Variants in CNTN3 observed in about 807,000 individuals in gnomAD.
The protein encoded by CNTN3 is contactin 3, also known as contactin-3.
CNTN3 carries 60 observed loss-of-function variants against 119.1 expected under a neutral mutation model. The ratio of observed to expected loss-of-function variants is 0.50; its 90% CI spans 0.41 to 0.62. The LOEUF (loss-of-function observed/expected upper bound fraction) is 0.62. Among genes scored for constraint, CNTN3 ranks in the 20% least tolerant of loss-of-function variants. CNTN3 has a pLI of 0.00. For missense variants in CNTN3, 1,101 were observed against 1,242.4 expected, an observed-to-expected ratio of 0.89 and a Z score of 1.71; for synonymous variants, 450 against 438.7, an observed-to-expected ratio of 1.03 and a Z score of -0.32.
chr3:74,491,219 G>T (rs4677401), intron 3 of CNTN3, among the ~76,000 whole-genome samples: 33,616 of 152,002 alleles, frequency 0.22, 3,873 homozygotes, highest in East Asian at 0.37. Flanking sequence ...GAATAATAAG[G>T]GCCAGGCACA....
chr3:74,266,429 C>T (rs615824), intron 22 of CNTN3, 52 bp downstream of exon 22: 10 of 1,516,080 alleles, frequency 6.6e-6, no homozygotes, highest in South Asian at 1.1e-5. Context: ...CTCACTATGG[C>T]GGATAGTAAC....
At chr3:74,475,346 T>C (rs760315863) in intron 4 of CNTN3, among the ~76,000 whole-genome samples, 1 of 152,218 alleles carries the variant, frequency 6.6e-6, no homozygotes, top group Non-Finnish European at 1.5e-5. Flanking sequence ...AGCAGACTTA[T>C]AAATTCTACA....
intron 4 of CNTN3, among the ~76,000 whole-genome samples, chr3:74,441,211 A>C (rs1701960550): frequency 6.6e-6 from 1 of 152,148 alleles, no homozygotes; most frequent in Non-Finnish European, 1.5e-5. Context: ...AACCTAATAT[A>C]CAGTTTTTTG....
intron 1 of CNTN3, among the ~76,000 whole-genome samples, chr3:74,603,127 G>A (rs1704938364): frequency 6.6e-6 from 1 of 152,098 alleles, no homozygotes; most frequent in African/African-American, 2.4e-5. Flanking sequence ...CTTAGTCACA[G>A]GTATATAAAT....
At chr3:74,502,103 A>G (rs1703176443) in intron 2 of CNTN3, among the ~76,000 whole-genome samples, 2 of 152,140 alleles carry the variant, frequency 1.3e-5, no homozygotes, top group South Asian at 2.1e-4. Context: ...CTGATAACAT[A>G]TATTTCATTA....
chr3:74,588,759 T>C (rs1285205208), intron 1 of CNTN3, among the ~76,000 whole-genome samples: 2 of 152,066 alleles, frequency 1.3e-5, no homozygotes, highest in East Asian at 1.9e-4. Context: ...AAAACAGAGA[T>C]ACAGATCAAT....
At chr3:74,411,815 G>C (rs1298833115) in intron 5 of CNTN3, among the ~76,000 whole-genome samples, 3 of 152,136 alleles carry the variant, frequency 2.0e-5, no homozygotes, top group Admixed American at 2.0e-4. Context: ...ATGTTACTTA[G>C]CTGTGGAAGG....
At chr3:74,544,818 A>G (rs1432331835) in intron 1 of CNTN3, among the ~76,000 whole-genome samples, 1 of 152,008 alleles carries the variant, frequency 6.6e-6, no homozygotes, top group Non-Finnish European at 1.5e-5. Context: ...CAGGATGGTC[A>G]CGATCTCCTG....
chr3:74,494,161 A>C (rs7427025), intron 3 of CNTN3, among the ~76,000 whole-genome samples: 131,683 of 152,014 alleles, frequency 0.87, 57,783 homozygotes, highest in Non-Finnish European at 0.95. Flanking sequence ...CCTCATACGA[A>C]CCTGGCCTGG....
chr3:74,477,724 G>C (rs769011148), intron 4 of CNTN3, among the ~76,000 whole-genome samples: 1 of 152,064 alleles, frequency 6.6e-6, no homozygotes, highest in African/African-American at 2.4e-5. Context: ...AAGGATAAAT[G>C]CTGGGGTGGG....
chr3:74,597,301 A>C (rs577145137), intron 1 of CNTN3, among the ~76,000 whole-genome samples: 22 of 152,132 alleles, frequency 1.4e-4, no homozygotes, highest in African/African-American at 4.8e-4. Context: ...TTTTCACATG[A>C]TTTAATGGAT....
chr3:74,358,444 A>C (rs1238023879), intron 11 of CNTN3, among the ~76,000 whole-genome samples: 2 of 151,958 alleles, frequency 1.3e-5, no homozygotes, highest in Non-Finnish European at 2.9e-5. Context: ...CGTCCATAAA[A>C]AAAAAAAAAA....
In CNTN3 at chr3:74,383,512, G is replaced by T. The variant is rs150119190; in HGVS notation, c.455-12113C>A. On this transcript the variant is annotated intron_variant, in intron 5 of 22. Transcript: ENST00000263665. The stretch of plus-strand genomic sequence containing the variant: ...CTTTTCTTTTGTTTTTTGAGACAGG[G>T]TCTCACTCTGTTGCCCAGGCAGGAG... Among the ~76,000 whole-genome samples, 6 of 152,158 alleles carry T rather than the reference G, an allele frequency of 3.9e-5. No individual in the cohort carries two copies. The East Asian group carries it at 5.8e-4, about 15-fold the overall frequency.
At chr3:74,515,276 T>A (rs930694958) in intron 2 of CNTN3, among the ~76,000 whole-genome samples, 2 of 151,970 alleles carry the variant, frequency 1.3e-5, no homozygotes, top group African/African-American at 2.4e-5. Flanking sequence ...GAAAAACATA[T>A]GTAAAATACC....
intron 4 of CNTN3, among the ~76,000 whole-genome samples, chr3:74,462,214 G>A (rs1452549954): frequency 6.6e-6 from 1 of 152,014 alleles, no homozygotes; most frequent in Non-Finnish European, 1.5e-5. Context: ...CTCAGAAGCT[G>A]CTATGCTTCC....
chr3:74,387,548 A>G (rs1704781522), intron 5 of CNTN3, among the ~76,000 whole-genome samples: 2 of 152,226 alleles, frequency 1.3e-5, no homozygotes, highest in African/African-American at 4.8e-5. Context: ...GCAGGGGTTC[A>G]CAGTACAGGT....
chr3:74,325,346 A>C (rs1703102710), intron 13 of CNTN3, among the ~76,000 whole-genome samples: 1 of 152,052 alleles, frequency 6.6e-6, no homozygotes, highest in Non-Finnish European at 1.5e-5. Flanking sequence ...GATAGTATCA[A>C]CTCCCAATTT....
chr3:74,495,023 C>G (rs1485809634), intron 3 of CNTN3, among the ~76,000 whole-genome samples: 1 of 152,032 alleles, frequency 6.6e-6, no homozygotes, highest in African/African-American at 2.4e-5. Flanking sequence ...CTGTTTGCCT[C>G]AGGCACTGTA....
At position 74,365,716 on chromosome 3, in the gene CNTN3, A is replaced by C; in HGVS notation, c.947-14T>G. The C allele has an allele frequency of 6.3e-7, 1 of 1,591,740 alleles. No homozygotes were observed. Among genetic ancestry groups the C allele is most frequent in the Non-Finnish European group, 8.6e-7 (1 of 1,169,384 alleles). On this transcript the variant is annotated splice_polypyrimidine_tract_variant and intron_variant, in intron 8 of 22. Transcript: ENST00000263665. ...AATGGGGCTTTGCTTCAATGAAAGA[A>C]AAGGAAAAAGAAAAGAAATTTAAAC...
Sources: allele counts gnomAD v4.1 joint callset (sites outside exome capture counted in the v4.1 genomes callset), GRCh38; gene constraint gnomAD v4.1.1; transcripts MANE v1.5; gene names NCBI Gene and HGNC (gene_info 2026-07-23, HGNC 2026-07-21).